Variants in NFIB observed in about 807,000 individuals in gnomAD.
NFIB encodes nuclear factor I B, also known as nuclear factor 1 B-type.
A neutral mutation model predicts 61.5 loss-of-function variants in NFIB; 11 were observed. The observed-to-expected ratio is 0.18, with a 90% CI of 0.11 to 0.30. NFIB has a LOEUF of 0.30. Ranked by LOEUF, NFIB falls within the 10% of genes least tolerant of loss-of-function variation. NFIB has a pLI of 1.00. For missense variants in NFIB, 471 were observed against 608.9 expected, an observed-to-expected ratio of 0.77 and a Z score of 2.38; for synonymous variants, 260 against 216.5, an observed-to-expected ratio of 1.20 and a Z score of -1.76.
At chr9:14,260,315 G>C (rs556889793) in intron 2 of NFIB, among the ~76,000 whole-genome samples, 6 of 152,278 alleles carry the variant, frequency 3.9e-5, no homozygotes, top group African/African-American at 1.2e-4. Flanking sequence ...TAAATGCAGA[G>C]GCCCAATCCA....
At chr9:14,474,852 A>T in the NFIB span, among the ~76,000 whole-genome samples, 1 of 152,202 alleles carries the variant, frequency 6.6e-6, no homozygotes, top group African/African-American at 2.4e-5. Flanking sequence ...CTGATGGCTC[A>T]AGAACCAGGA....
At chr9:14,221,120 C>G (rs1358305501) in intron 2 of NFIB, among the ~76,000 whole-genome samples, 1 of 152,126 alleles carries the variant, frequency 6.6e-6, no homozygotes, top group African/African-American at 2.4e-5. Flanking sequence ...AGTTGATATT[C>G]CCACATTTCA....
chr9:14,134,898 A>C (rs2040840487), intron 6 of NFIB, among the ~76,000 whole-genome samples: 1 of 71,158 alleles, frequency 1.4e-5, no homozygotes. Context: ...ACTCTGTCTC[A>C]AAAAAAAAAA....
chr9:14,312,325 T>C (rs914033607), intron 1 of NFIB, among the ~76,000 whole-genome samples: 5 of 152,244 alleles, frequency 3.3e-5, no homozygotes, highest in Non-Finnish European at 5.9e-5. Flanking sequence ...TGATATTAGA[T>C]GTTTTTAAAA....
chr9:14,111,573 CAT>C (rs1285828120), intron 10 of NFIB, among the ~76,000 whole-genome samples: 1 of 152,000 alleles, frequency 6.6e-6, no homozygotes, highest in Non-Finnish European at 1.5e-5. Flanking sequence ...ATACATCCTG[CAT>C]ATGTTTTTTA....
chr9:14,211,732 G>A (rs1363661159), intron 2 of NFIB, among the ~76,000 whole-genome samples: 1 of 152,176 alleles, frequency 6.6e-6, no homozygotes, highest in Non-Finnish European at 1.5e-5. Context: ...CCCAGCTGGT[G>A]GGCCCCTCCA....
intron 1 of NFIB, among the ~76,000 whole-genome samples, chr9:14,356,040 G>C (rs936841592): frequency 1.3e-5 from 2 of 151,360 alleles, no homozygotes; most frequent in African/African-American, 4.9e-5. Flanking sequence ...TTTTTGCATT[G>C]CACTGGTCCC....
intron 2 of NFIB, among the ~76,000 whole-genome samples, chr9:14,206,770 T>C (rs1364798466): frequency 6.6e-6 from 1 of 151,934 alleles, no homozygotes; most frequent in Non-Finnish European, 1.5e-5. Flanking sequence ...TCAGTCATGT[T>C]TGGTATATAT....
At chr9:14,292,036 C>G (rs1179038881) in intron 2 of NFIB, among the ~76,000 whole-genome samples, 6 of 152,036 alleles carry the variant, frequency 3.9e-5, no homozygotes, top group African/African-American at 7.2e-5. Flanking sequence ...AAGAAAAAAC[C>G]TAGTCTCTTG....
intron 8 of NFIB, among the ~76,000 whole-genome samples, chr9:14,118,315 G>T (rs766402): frequency 0.022 from 3,309 of 152,166 alleles, 88 homozygotes; most frequent in African/African-American, 0.068. Context: ...CAGTCTGAAA[G>T]TACCTACCTG....
the NFIB span, among the ~76,000 whole-genome samples, chr9:14,518,863 C>T: frequency 6.6e-6 from 1 of 152,026 alleles, no homozygotes; most frequent in Admixed American, 6.6e-5. Context: ...CTCTCTGGAT[C>T]GGAGCAGTGG....
chr9:14,324,375 G>C (rs1226025907), intron 1 of NFIB, among the ~76,000 whole-genome samples: 1 of 152,156 alleles, frequency 6.6e-6, no homozygotes, highest in Non-Finnish European at 1.5e-5. Context: ...AAGAATGATG[G>C]ATATAGAAAT....
At position 14,106,989 on chromosome 9, in the gene NFIB, C is replaced by T. The variant is rs548251668; in HGVS notation, c.1467+6010G>A. ...ACCTTCTCACTTTTTTTTCTTTTTA[C>T]GTTTACAATGGCCCTCAGGAGAACA... On this transcript the variant is annotated intron_variant, in intron 10 of 10. Coordinates refer to ENST00000380953, the MANE Select transcript of NFIB (RefSeq NM_001190737.2). Among the ~76,000 whole-genome samples the T allele has an allele frequency of 2.8e-4, 42 of 151,880 alleles. No homozygotes were observed. In the South Asian group the frequency reaches 5.6e-3, roughly 20 times the overall value.
At chr9:14,163,155 G>A (rs539195741) in intron 3 of NFIB, among the ~76,000 whole-genome samples, 2 of 151,778 alleles carry the variant, frequency 1.3e-5, no homozygotes, top group African/African-American at 2.4e-5. Flanking sequence ...CATCTCAAGA[G>A]CAGGAAAAGA....
In NFIB at chr9:14,116,237, T is replaced by C; in HGVS notation, c.1355A>G (p.Asp452Gly). 1 of 1,533,622 alleles carries C rather than the reference T, an allele frequency of 6.5e-7. No homozygotes were observed. ...AVRPVTLSMT[D>G]TKPITTSTEA... Reference sequence around the variant, plus strand: ...AGTGGATGTAGTGATGGGTTTAGTATCTGTCATGCTCAGGGTCACAGGTCG... The same window carrying C: ...AGTGGATGTAGTGATGGGTTTAGTACCTGTCATGCTCAGGGTCACAGGTCG... Residue 452 changes from aspartate to glycine, a missense_variant, in exon 9 of 11, where the codon GAT becomes GGT. Physicochemically the swap from Asp to Gly is moderately conservative, Grantham distance 94. This residue lies in a region of NFIB where 372 missense variants were observed against 395.6 expected (regional missense o/e 0.94). Coordinates refer to ENST00000380953, the MANE Select transcript of NFIB (RefSeq NM_001190737.2).
intron 2 of NFIB, among the ~76,000 whole-genome samples, chr9:14,286,660 T>A (rs770925088): frequency 2.0e-5 from 3 of 152,226 alleles, no homozygotes; most frequent in Non-Finnish European, 2.9e-5. Flanking sequence ...ATTGGGTAAT[T>A]CTTCTTAAAC....
At chr9:14,196,042 A>G (rs1015549014) in intron 2 of NFIB, among the ~76,000 whole-genome samples, 3 of 152,252 alleles carry the variant, frequency 2.0e-5, no homozygotes, top group Non-Finnish European at 2.9e-5. Flanking sequence ...TCCTTAGTCC[A>G]TTGGCAGTGC....
intron 1 of NFIB, among the ~76,000 whole-genome samples, chr9:14,343,808 G>A (rs138931705): frequency 1.4e-5 from 2 of 141,364 alleles, no homozygotes; most frequent in Admixed American, 1.4e-4. Context: ...AGCAGAGAAA[G>A]GGCTGCTTGG....
Position 14,279,890 on chromosome 9 carries a change from C to T in NFIB, c.562+27099G>A, listed in dbSNP as rs867944459. Among the ~76,000 whole-genome samples the T allele has an allele frequency of 2.6e-5, 4 of 152,282 alleles. No individual in the cohort carries two copies. The South Asian group carries it at 8.3e-4, about 32-fold the overall frequency. ...CCTTTTGCATATTTCTCATCTAAAA[C>T]AATTTTCCTTCCCTCACATCTTTCG... On this transcript the variant is annotated intron_variant, in intron 2 of 10. Coordinates refer to ENST00000380953, the MANE Select transcript of NFIB (RefSeq NM_001190737.2).
Sources: allele counts gnomAD v4.1 joint callset (sites outside exome capture counted in the v4.1 genomes callset), GRCh38; gene constraint gnomAD v4.1.1; regional missense constraint gnomAD v4.1.1; transcripts MANE v1.5; gene names NCBI Gene and HGNC (gene_info 2026-07-23, HGNC 2026-07-21).